The following STAU2 variants were observed in gnomAD, a reference collection of about 807,000 sequenced individuals.
The protein encoded by STAU2 is staufen double-stranded RNA binding protein 2, also known as double-stranded RNA-binding protein Staufen homolog 2.
STAU2 carries 20 observed loss-of-function variants against 65.9 expected under a neutral mutation model. The observed-to-expected ratio is 0.30, with a 90% CI of 0.21 to 0.44. The LOEUF is 0.44. Ranked by LOEUF, STAU2 falls within the 20% of genes least tolerant of loss-of-function variation. The pLI, the probability that STAU2 is intolerant of heterozygous loss-of-function variation, is 1.00. For missense variants in STAU2, 558 were observed against 683.9 expected, an observed-to-expected ratio of 0.82 and a Z score of 2.05; for synonymous variants, 232 against 233.9, an observed-to-expected ratio of 0.99 and a Z score of 0.07.
At chr8:73,571,681 G>C (rs1351946980) in intron 12 of STAU2, among the ~76,000 whole-genome samples, 7 of 152,140 alleles carry the variant, frequency 4.6e-5, no homozygotes, top group African/African-American at 7.2e-5. Flanking sequence ...CAGAAATAAA[G>C]ATGTTCTTTG....
At position 73,421,272 on chromosome 8, in the gene STAU2, A is replaced by C. The variant is rs1301681095; in HGVS notation, c.*100T>G. ...ATAGTGTTGTCTTCACATAAGACTC[A>C]AATAATGGTATTAGTCATTCATTTC... On this transcript the variant is annotated 3_prime_UTR_variant, in exon 15 of 15. Coordinates refer to ENST00000524300, the MANE Select transcript of STAU2 (RefSeq NM_001164380.2). 1.0e-6 allele frequency: 1 copy of C among 990,362 alleles called. No individual in the cohort carries two copies. The highest frequency in any genetic ancestry group is 1.5e-6 in the Non-Finnish European group (1 of 655,054). The allele number at this position is 990,362 out of a possible 1,614,324, so 61.3% of individuals were successfully genotyped here. A position where few individuals can be genotyped will look rare whatever the true frequency, so the allele number is the denominator to read the frequency against.
intron 13 of STAU2, among the ~76,000 whole-genome samples, chr8:73,543,122 CAT>C: frequency 6.6e-6 from 1 of 152,244 alleles, no homozygotes; most frequent in Non-Finnish European, 1.5e-5. Flanking sequence ...ATACATGGAA[CAT>C]GCGTGAATTT....
chr8:73,445,598 G>GC (rs201735646), intron 13 of STAU2, among the ~76,000 whole-genome samples: 3,764 of 152,240 alleles, frequency 0.025, 153 homozygotes, highest in African/African-American at 0.087. Flanking sequence ...GGAAATATTC[G>GC]CAGACCACAT....
chr8:73,528,068 C>T (rs1805561305), intron 13 of STAU2, among the ~76,000 whole-genome samples: 1 of 152,024 alleles, frequency 6.6e-6, no homozygotes, highest in African/African-American at 2.4e-5. Flanking sequence ...AATGCTATAC[C>T]TATCTTTCAA....
intron 13 of STAU2, among the ~76,000 whole-genome samples, chr8:73,516,379 A>G (rs1421300745): frequency 1.3e-5 from 2 of 151,940 alleles, no homozygotes; most frequent in Non-Finnish European, 2.9e-5. Context: ...TAATTTTCAC[A>G]TATTAAATTA....
intron 13 of STAU2, among the ~76,000 whole-genome samples, chr8:73,541,031 C>A (rs1468519810): frequency 6.6e-6 from 1 of 152,140 alleles, no homozygotes; most frequent in Non-Finnish European, 1.5e-5. Flanking sequence ...TTCACATGCA[C>A]AAGGGAGATC....
rs114621532 is a variant in STAU2, at chr8:73,437,509, G to A, written c.1531-14807C>T. The stretch of plus-strand genomic sequence containing the variant: ...GCCTCCAGAAAGGAACTCAGCCGTG[G>A]GGACACCTCAATAGCTCCAGCGAGT... On this transcript the variant is annotated intron_variant, in intron 13 of 14. Transcript: ENST00000524300. Among the ~76,000 whole-genome samples, 1,049 of 152,260 alleles carry A rather than the reference G, an allele frequency of 6.9e-3. 14 individuals are homozygous for A. Among genetic ancestry groups the A allele is most frequent in the African/African-American group, 0.024 (999 of 41,546 alleles).
At chr8:73,730,847 C>T (rs1244540500) in intron 3 of STAU2, among the ~76,000 whole-genome samples, 1 of 151,910 alleles carries the variant, frequency 6.6e-6, no homozygotes, top group Admixed American at 6.6e-5. Context: ...CCTCTAGTCC[C>T]TTACTGATAT....
At chr8:73,672,880 T>G (rs992637676) in intron 6 of STAU2, 34 of 296,916 alleles carry the variant, frequency 1.1e-4, no homozygotes, top group African/African-American at 6.7e-4. Context: ...CCTTCAGATC[T>G]TTTACGTTTG....
chr8:73,603,498 C>A (rs901800603), intron 10 of STAU2, among the ~76,000 whole-genome samples: 2 of 152,144 alleles, frequency 1.3e-5, no homozygotes, highest in Admixed American at 1.3e-4. Flanking sequence ...TGGTAAATAA[C>A]CTGTGTGAAC....
Position 73,629,458 on chromosome 8 carries a change from C to T in STAU2, c.411-12007G>A, listed in dbSNP as rs555659758. Among the ~76,000 whole-genome samples the T allele has an allele frequency of 3.9e-5, 6 of 152,256 alleles. No individual in the cohort carries two copies. The East Asian group carries it at 1.2e-3, about 29-fold the overall frequency. On this transcript the variant is annotated intron_variant, in intron 6 of 14. Transcript: ENST00000524300. ...GATAAGAATTAATCTAAAAGATAAT[C>T]ATTTTGTTTCATAGTCTCACAATCA...
intron 3 of STAU2, among the ~76,000 whole-genome samples, chr8:73,736,427 G>A (rs1806430647): frequency 1.3e-5 from 2 of 152,184 alleles, no homozygotes; most frequent in Non-Finnish European, 2.9e-5. Flanking sequence ...AAGGGAGACA[G>A]ATGTTACAAC....
intron 12 of STAU2, among the ~76,000 whole-genome samples, chr8:73,553,572 T>G (rs1247328557): frequency 6.6e-6 from 1 of 152,174 alleles, no homozygotes; most frequent in Non-Finnish European, 1.5e-5. Flanking sequence ...TTCCTGAGTT[T>G]ACTTTTTGTC....
intron 6 of STAU2, among the ~76,000 whole-genome samples, chr8:73,657,514 CCTT>C (rs1356346281): frequency 6.6e-6 from 1 of 152,072 alleles, no homozygotes; most frequent in African/African-American, 2.4e-5. Context: ...GAATTCATAA[CCTT>C]CAACAGTTAT....
intron 4 of STAU2, among the ~76,000 whole-genome samples, chr8:73,699,515 G>A (rs1051225198): frequency 5.3e-5 from 8 of 151,974 alleles, no homozygotes; most frequent in African/African-American, 1.2e-4. Context: ...GAAATTCAAA[G>A]GATCGTTAGT....
chr8:73,439,247 G>A (rs377379213), intron 13 of STAU2: 272 of 348,058 alleles, frequency 7.8e-4, no homozygotes, highest in African/African-American at 5.3e-3. Context: ...TCCAGCACCC[G>A]CATTGCATGC....
chr8:73,533,851 C>T (rs1010665825), intron 13 of STAU2, among the ~76,000 whole-genome samples: 10 of 152,084 alleles, frequency 6.6e-5, no homozygotes, highest in Non-Finnish European at 1.5e-4. Context: ...ATTTCCTACC[C>T]CCAGCTCCGA....
intron 12 of STAU2, among the ~76,000 whole-genome samples, chr8:73,560,315 C>A (rs192800141): frequency 3.3e-5 from 5 of 151,994 alleles, no homozygotes; most frequent in African/African-American, 4.8e-5. Context: ...CTCCTGACCT[C>A]GTGATCCGCC....
chr8:73,664,152 G>A (rs1425699143), intron 6 of STAU2, among the ~76,000 whole-genome samples: 1 of 152,016 alleles, frequency 6.6e-6, no homozygotes, highest in Admixed American at 6.6e-5. Flanking sequence ...CCCAGGCCCA[G>A]GCAATCCTCC....
Sources: allele counts gnomAD v4.1 joint callset (sites outside exome capture counted in the v4.1 genomes callset), GRCh38; gene constraint gnomAD v4.1.1; transcripts MANE v1.5; gene names NCBI Gene and HGNC (gene_info 2026-07-23, HGNC 2026-07-21).